Variants in CHD2 observed in about 807,000 individuals in gnomAD.
The protein encoded by CHD2 is chromodomain helicase DNA binding protein 2.
CHD2 carries 28 observed loss-of-function variants against 243.9 expected under a neutral mutation model. The observed-to-expected ratio is 0.11, with a 90% CI of 0.09 to 0.16. The LOEUF is 0.16. CHD2 is among the 10% of genes least tolerant of loss of function. The pLI, the probability that CHD2 is intolerant of heterozygous loss-of-function variation, is 1.00. For missense variants in CHD2, 1,386 were observed against 2,209.8 expected, an observed-to-expected ratio of 0.63 and a Z score of 7.47; for synonymous variants, 775 against 779.0, an observed-to-expected ratio of 0.99 and a Z score of 0.09.
Position 93,027,318 on chromosome 15 carries a change from C to CA in CHD2, c.*2614dup, listed in dbSNP as rs1045961715. On this transcript the variant is annotated 3_prime_UTR_variant, in exon 39 of 39. Coordinates refer to ENST00000394196, the MANE Select transcript of CHD2 (RefSeq NM_001271.4). ...AAGATTTCATTGTTGGTAGAAATAA[C>CA]AGGTTGAGAAAGAGGGAGTTAGCAT... is the stretch of plus-strand genomic sequence containing the variant. 2.6e-5 allele frequency: 4 copies of CA among 152,194 alleles called. No individual in the cohort carries two copies. The highest frequency in any genetic ancestry group is 7.2e-5 in the African/African-American group (3 of 41,424). 9.4% of individuals were successfully genotyped at this position (152,194 alleles called of 1,614,324 possible). A position where few individuals can be genotyped will look rare whatever the true frequency, so the allele number is the denominator to read the frequency against.
At chr15:93,002,055 G>C (rs2054263736) in intron 32 of CHD2, 122 bp from the exon 33 acceptor site, 1 of 1,342,038 alleles carries the variant, frequency 7.5e-7, no homozygotes, top group East Asian at 2.6e-5. Flanking sequence ...CTATTTGCTT[G>C]AAAACAAGCT....
chr15:92,942,055 G>T, intron 8 of CHD2, 100 bp downstream of exon 8: 1 of 1,147,594 alleles, frequency 8.7e-7, no homozygotes, highest in Non-Finnish European at 1.3e-6. Context: ...GTCTACTGCT[G>T]TATTTGTTGT....
rs1456486441 is a variant in CHD2 at position 92,900,531 on chromosome 15, G to A, written c.-365G>A. On this transcript the variant is annotated 5_prime_UTR_variant, in exon 1 of 39. Coordinates refer to ENST00000394196, the MANE Select transcript of CHD2 (RefSeq NM_001271.4). ...CAGCTTTTAGGAGCTTTCTTTTCGT[G>A]CCTTGTTGGAAAGAAGCAGCCGTAC... is the stretch of plus-strand genomic sequence containing the variant. 2.5e-6 allele frequency: 1 copy of A among 398,524 alleles called. No individual in the cohort carries two copies. Among genetic ancestry groups the A allele is most frequent in the African/African-American group, 2.1e-5 (1 of 48,536 alleles). 24.7% of individuals were successfully genotyped at this position (398,524 alleles called of 1,614,324 possible).
chr15:92,945,864 A>G lies in CHD2; in HGVS notation c.1197A>G (p.Pro399=). 1.3e-6 allele frequency: 2 copies of G among 1,579,442 alleles called. No homozygotes were observed. Among genetic ancestry groups the G allele is most frequent in the Non-Finnish European group, 1.7e-6 (2 of 1,159,678 alleles). The part of the protein sequence containing the change: ...SKSTLGQTDF[P]AHSRKPAPSN... ...CTACATTGGGTCAAACAGATTTTCCAGGTAAGCAAGAAATTTTATTTATAA... is the reference window on the plus strand; with the variant it reads ...CTACATTGGGTCAAACAGATTTTCCGGGTAAGCAAGAAATTTTATTTATAA... The change falls in exon 11 of 39, where the codon CCA becomes CCG. Residue 399 remains proline, a splice_region_variant and synonymous_variant. Transcript: ENST00000394196.
chr15:92,975,590 C>T lies in CHD2; in HGVS notation c.2577+640C>T, dbSNP rs74029209. On this transcript the variant is annotated intron_variant, in intron 20 of 38. Transcript: ENST00000394196. Reference sequence around the variant, plus strand: ...AATAAAACTGTAATAATGTGTAGAGCTAAAGGAAGCAGTGGAGACAACCTG... The same window carrying T: ...AATAAAACTGTAATAATGTGTAGAGTTAAAGGAAGCAGTGGAGACAACCTG... Among the ~76,000 whole-genome samples the T allele has an allele frequency of 3.2e-3, 487 of 151,518 alleles. 1 individual carries two copies. Among genetic ancestry groups the T allele is most frequent in the African/African-American group, 0.011 (466 of 41,264 alleles).
intron 21 of CHD2, among the ~76,000 whole-genome samples, chr15:92,978,797 C>CT (rs1404343136): frequency 1.3e-5 from 2 of 152,112 alleles, no homozygotes; most frequent in Non-Finnish European, 2.9e-5. Context: ...ATCTTAAAGT[C>CT]TGTTCTATAT....
At chr15:92,942,794 A>G in intron 8 of CHD2, 49 bp from the exon 9 acceptor site, 1 of 1,426,470 alleles carries the variant, frequency 7.0e-7, no homozygotes, top group Non-Finnish European at 9.4e-7. Context: ...AAGCTTTTTA[A>G]TATCTGGTGT....
In CHD2 at chr15:92,946,229, T is replaced by C. The variant is rs375615448; in HGVS notation, c.1377+13T>C. 39 of 1,591,938 alleles carry C rather than the reference T, an allele frequency of 2.4e-5. No individual in the cohort carries two copies. Among genetic ancestry groups the C allele is most frequent in the African/African-American group, 8.1e-5 (6 of 74,080 alleles). On this transcript the variant is annotated intron_variant, in intron 12 of 38. Transcript: ENST00000394196. ...AAGAGAATGCAAGGTATGGTGATGGTTGGCTTTTGTTTTTTCAGGGAGAAG... is the reference window on the plus strand; with the variant it reads ...AAGAGAATGCAAGGTATGGTGATGGCTGGCTTTTGTTTTTTCAGGGAGAAG...
At chr15:92,984,264 T>TA (rs2054013711) in intron 24 of CHD2, 66 bp from the exon 25 acceptor site, 1 of 1,264,764 alleles carries the variant, frequency 7.9e-7, no homozygotes, top group African/African-American at 1.5e-5. Context: ...AAACACTGGA[T>TA]AAATTGTTTT....
intron 28 of CHD2, among the ~76,000 whole-genome samples, chr15:92,995,105 G>A (rs935979216): frequency 6.6e-5 from 10 of 152,110 alleles, no homozygotes; most frequent in African/African-American, 1.9e-4. Flanking sequence ...GCTGAAATGC[G>A]AAGTGTGATT....
chr15:92,915,020 A>G (rs116396214), intron 2 of CHD2: 4 of 152,158 alleles, frequency 2.6e-5, no homozygotes, highest in Non-Finnish European at 5.9e-5. Flanking sequence ...AACAATTTAG[A>G]AGTTTAACAT....
Position 93,004,768 on chromosome 15 carries a change from G to A in CHD2, c.4413+17G>A, listed in dbSNP as rs780894880. On this transcript the variant is annotated intron_variant, in intron 34 of 38. Transcript: ENST00000394196. ...TTCAGCATAGTAAGTCTTGAAATCGGGGGGTGCCAGTGTCTGCAGCCGCGG... is the reference window on the plus strand; with the variant it reads ...TTCAGCATAGTAAGTCTTGAAATCGAGGGGTGCCAGTGTCTGCAGCCGCGG... The A allele has an allele frequency of 1.9e-6, 3 of 1,607,982 alleles. No individual in the cohort carries two copies. The highest frequency in any genetic ancestry group is 2.2e-5 in the South Asian group (2 of 90,022).
intron 32 of CHD2, 68 bp from the exon 33 acceptor site, chr15:93,002,109 T>C: frequency 6.5e-7 from 1 of 1,533,512 alleles, no homozygotes; most frequent in Non-Finnish European, 8.7e-7. Flanking sequence ...AGTGCTTCTT[T>C]TTCCAGAAAG....
intron 12 of CHD2, chr15:92,947,002 T>A (rs1456587601): frequency 6.6e-6 from 1 of 152,074 alleles, no homozygotes; most frequent in East Asian, 1.9e-4. Flanking sequence ...AAGTTAGAAA[T>A]TAAATATATA....
chr15:92,936,271 T>C (rs2053265981), intron 5 of CHD2, among the ~76,000 whole-genome samples: 1 of 152,220 alleles, frequency 6.6e-6, no homozygotes, highest in African/African-American at 2.4e-5. Context: ...CCATGAAGAA[T>C]ATTGATTTGA....
rs186862897 is a variant in CHD2 at position 92,981,397 on chromosome 15, T to C, written c.3006T>C (p.Ala1002=). The change falls in exon 24 of 39, where the codon GCT becomes GCC. Residue 1002 remains alanine, a synonymous_variant. Coordinates refer to ENST00000394196, the MANE Select transcript of CHD2 (RefSeq NM_001271.4). ...ATATAGATGAAATTTTGCGGTTGGC[T>C]GAAACGAGAGAGAATGAAGTGTCAA... ...EMDIDEILRL[A]ETRENEVSTS... is the part of the protein sequence containing the mutation. 2.5e-6 allele frequency: 4 copies of C among 1,613,892 alleles called. No individual in the cohort carries two copies. Among genetic ancestry groups the C allele is most frequent in the Admixed American group, 3.3e-5 (2 of 60,026 alleles).
At chr15:92,972,143 A>T (rs2053849697) in intron 18 of CHD2, 122 bp from the exon 19 acceptor site, 1 of 1,122,236 alleles carries the variant, frequency 8.9e-7, no homozygotes, top group East Asian at 2.6e-5. Flanking sequence ...TTGCTGGTCA[A>T]GCAGGTTGCT....
At chr15:92,909,995 T>C (rs1297807819) in intron 2 of CHD2, among the ~76,000 whole-genome samples, 1 of 151,732 alleles carries the variant, frequency 6.6e-6, no homozygotes, top group Non-Finnish European at 1.5e-5. Flanking sequence ...TATATACACA[T>C]ATATACATAT....
intron 20 of CHD2, among the ~76,000 whole-genome samples, chr15:92,977,820 CTGTT>C (rs1276844825): frequency 6.6e-6 from 1 of 152,212 alleles, no homozygotes; most frequent in Non-Finnish European, 1.5e-5. Flanking sequence ...TAAAGTATCT[CTGTT>C]TATACTAACT....
Sources: allele counts gnomAD v4.1 joint callset (sites outside exome capture counted in the v4.1 genomes callset), GRCh38; gene constraint gnomAD v4.1.1; transcripts MANE v1.5; gene names NCBI Gene and HGNC (gene_info 2026-07-23, HGNC 2026-07-21).